RYR2: variants seen among roughly 807,000 people sequenced by gnomAD.
RYR2 encodes the protein ryanodine receptor 2, also known as cardiac muscle ryanodine receptor-calcium release channel.
In RYR2, 227 loss-of-function variants were observed where a neutral mutation model predicts 601.1. The observed-to-expected ratio is 0.38, with a 90% confidence interval of 0.34 to 0.42. The LOEUF (loss-of-function observed/expected upper bound fraction) is 0.42. RYR2 is among the 10% of genes least tolerant of loss of function. RYR2 has a pLI of 1.00. For missense variants in RYR2, 4,646 were observed against 6,156.5 expected (o/e 0.75, Z 8.21); for synonymous variants, 2,223 against 2,175.1 (o/e 1.02, Z -0.61).
chr1:237,043,075 C>G (rs1205289333), intron 1 of RYR2, among the ~76,000 whole-genome samples: 1 of 152,200 alleles, frequency 6.6e-6, no homozygotes, highest in East Asian at 1.9e-4. Flanking sequence ...GGAGCGAAGA[C>G]GTTGGTTCGC....
chr1:237,066,399 T>C (rs1008177707), intron 1 of RYR2, among the ~76,000 whole-genome samples: 6 of 152,214 alleles, frequency 3.9e-5, no homozygotes, highest in African/African-American at 1.4e-4. Flanking sequence ...TTGTAAGCTA[T>C]GTTTAGTTTT....
chr1:237,492,868 G>A (rs1383558311), intron 18 of RYR2, 86 bp from the exon 19 acceptor site: 20 of 1,315,968 alleles, frequency 1.5e-5, no homozygotes, highest in Admixed American at 4.8e-5. Context: ...AGGAAGGAAG[G>A]AAGAAGGGAA....
intron 1 of RYR2, among the ~76,000 whole-genome samples, chr1:237,059,688 G>A (rs1662610187): frequency 6.6e-6 from 1 of 152,120 alleles, no homozygotes; most frequent in South Asian, 2.1e-4. Flanking sequence ...TTTGGGGATT[G>A]CATTAATAAG....
chr1:237,565,377 T>G (rs1332038052), intron 27 of RYR2, among the ~76,000 whole-genome samples: 2 of 152,014 alleles, frequency 1.3e-5, no homozygotes, highest in Admixed American at 6.6e-5. Context: ...GTGATCCTTC[T>G]GTATCAGCCT....
chr1:237,233,628 C>T (rs1685228998), intron 1 of RYR2, among the ~76,000 whole-genome samples: 2 of 152,136 alleles, frequency 1.3e-5, no homozygotes, highest in South Asian at 4.2e-4. Context: ...AGAGTAATGG[C>T]TATTAGTTTT....
intron 84 of RYR2, among the ~76,000 whole-genome samples, chr1:237,769,506 A>C (rs140604931): frequency 2.4e-4 from 36 of 152,280 alleles, no homozygotes; most frequent in African/African-American, 8.4e-4. Flanking sequence ...GGAAATGAGT[A>C]CAGTGATTTT....
At chr1:237,501,483 A>G (rs1395147549) in intron 21 of RYR2, among the ~76,000 whole-genome samples, 1 of 152,180 alleles carries the variant, frequency 6.6e-6, no homozygotes, top group African/African-American at 2.4e-5. Context: ...AACAAATTAA[A>G]GTGATAATCC....
chr1:237,501,057 G>A (rs1174350150), intron 21 of RYR2, among the ~76,000 whole-genome samples, 154 bp downstream of exon 21: 1 of 152,056 alleles, frequency 6.6e-6, no homozygotes, highest in Non-Finnish European at 1.5e-5. Flanking sequence ...TGAAGGAGGA[G>A]GTAAGCCTCA....
At chr1:237,420,324 T>A (rs992011626) in intron 11 of RYR2, among the ~76,000 whole-genome samples, 1 of 152,204 alleles carries the variant, frequency 6.6e-6, no homozygotes, top group Non-Finnish European at 1.5e-5. Flanking sequence ...ATTTTTTATG[T>A]TGCAAATAAA....
intron 1 of RYR2, among the ~76,000 whole-genome samples, chr1:237,177,712 T>C (rs1402057852): frequency 1.3e-5 from 2 of 152,224 alleles, no homozygotes; most frequent in Non-Finnish European, 1.5e-5. Flanking sequence ...GGTCATTAGA[T>C]TGTTTCTTTT....
intron 1 of RYR2, among the ~76,000 whole-genome samples, chr1:237,246,591 T>C (rs1256440207): frequency 6.6e-6 from 1 of 152,172 alleles, no homozygotes; most frequent in African/African-American, 2.4e-5. Context: ...CATGCACAAC[T>C]GCACCTGGCT....
chr1:237,325,820 G>A (rs1000635411), intron 2 of RYR2, among the ~76,000 whole-genome samples: 6 of 152,074 alleles, frequency 3.9e-5, no homozygotes, highest in Non-Finnish European at 7.4e-5. Context: ...GTTGTTTGAC[G>A]TCCCTACAAG....
At chr1:237,084,597 A>C (rs1325639377) in intron 1 of RYR2, among the ~76,000 whole-genome samples, 1 of 152,138 alleles carries the variant, frequency 6.6e-6, no homozygotes, top group Non-Finnish European at 1.5e-5. Context: ...TGTGGCCCTC[A>C]GTCCCCTCCC....
chr1:237,117,056 C>A (rs1253441861), intron 1 of RYR2, among the ~76,000 whole-genome samples: 1 of 152,052 alleles, frequency 6.6e-6, no homozygotes, highest in Non-Finnish European at 1.5e-5. Context: ...AGCTCATGGA[C>A]CAGGAAGCAA....
At chr1:237,647,873 A>G (rs531008920) in intron 48 of RYR2, among the ~76,000 whole-genome samples, 20 of 152,268 alleles carry the variant, frequency 1.3e-4, no homozygotes, top group Non-Finnish European at 2.4e-4. Flanking sequence ...CTATAGGCAT[A>G]AAGCTTTAAG....
At chr1:237,533,302 G>A (rs976299471) in intron 25 of RYR2, among the ~76,000 whole-genome samples, 4 of 152,108 alleles carry the variant, frequency 2.6e-5, no homozygotes, top group Non-Finnish European at 4.4e-5. Flanking sequence ...AGATCAGCGC[G>A]AGCCTAAAAT....
Position 237,067,115 on chromosome 1 carries a change from A to G in RYR2, c.48+24546A>G, listed in dbSNP as rs552646529. Among the ~76,000 whole-genome samples the G allele has an allele frequency of 6.6e-5, 10 of 152,092 alleles. No individual in the cohort carries two copies. In the East Asian group the frequency reaches 9.7e-4, roughly 15 times the overall value. On this transcript the variant is annotated intron_variant, in intron 1 of 104. Transcript: ENST00000366574. ...GTAGCTCATCATTTTCTCCCTCTCA[A>G]CAGTCTTTCAAAAAAACAGAAGTTT... is the stretch of plus-strand genomic sequence containing the variant.
chr1:237,329,490 A>G (rs1696501714), intron 2 of RYR2, among the ~76,000 whole-genome samples: 1 of 152,002 alleles, frequency 6.6e-6, no homozygotes, highest in Non-Finnish European at 1.5e-5. Context: ...AAAAATACAA[A>G]AATTAGCTGG....
chr1:237,723,401 G>A (rs545474084), intron 74 of RYR2, 139 bp downstream of exon 74: 2 of 561,054 alleles, frequency 3.6e-6, no homozygotes, highest in Non-Finnish European at 6.1e-6. Context: ...TAAGAGTCCG[G>A]TGTGCTTAGT....
Sources: allele counts gnomAD v4.1 joint callset (sites outside exome capture counted in the v4.1 genomes callset), GRCh38; gene constraint gnomAD v4.1.1; transcripts MANE v1.5; gene names NCBI Gene and HGNC (gene_info 2026-07-23, HGNC 2026-07-21).